ERGIC1: variants seen among roughly 807,000 people sequenced by gnomAD.
ERGIC1 encodes endoplasmic reticulum-golgi intermediate compartment 1, also known as endoplasmic reticulum-Golgi intermediate compartment protein 1.
A neutral mutation model predicts 38.3 loss-of-function variants in ERGIC1; 19 were observed. The ratio of observed to expected loss-of-function variants is 0.50; its 90% CI spans 0.35 to 0.73. ERGIC1 has a LOEUF of 0.73. Among genes scored for constraint, ERGIC1 ranks in the 30% least tolerant of loss-of-function variants. ERGIC1 has a pLI of 0.01. For missense variants in ERGIC1, 294 were observed against 389.2 expected, an observed-to-expected ratio of 0.76 and a Z score of 2.06; for synonymous variants, 124 against 157.6, an observed-to-expected ratio of 0.79 and a Z score of 1.60.
chr5:172,847,682 T>C lies in ERGIC1; in HGVS notation c.20+13249T>C, dbSNP rs1446157312. ...GGTGCGCGCCACCACACCCAGCTAA[T>C]TTTTGTATTTTTAGTAGAGACGGGG... On this transcript the variant is annotated intron_variant, in intron 1 of 9. Coordinates refer to ENST00000393784, the MANE Select transcript of ERGIC1 (RefSeq NM_001031711.3). Among the ~76,000 whole-genome samples, 4 of 152,104 alleles carry C rather than the reference T, an allele frequency of 2.6e-5. No homozygotes were observed. The East Asian group carries it at 7.7e-4, about 29-fold the overall frequency.
At chr5:172,908,312 G>GA (rs1763094438) in intron 3 of ERGIC1, among the ~76,000 whole-genome samples, 1 of 30,460 alleles carries the variant, frequency 3.3e-5, no homozygotes, top group African/African-American at 1.4e-4. Flanking sequence ...GGGGCGGGGG[G>GA]GGGGGGAGAG....
chr5:172,858,965 G>A (rs1009330371), intron 1 of ERGIC1, among the ~76,000 whole-genome samples: 1 of 152,180 alleles, frequency 6.6e-6, no homozygotes, highest in Non-Finnish European at 1.5e-5. Flanking sequence ...GCCTGTGGCT[G>A]GGGGAGCTGT....
chr5:172,924,110 G>A lies in ERGIC1; in HGVS notation c.480+1G>A. 1 of 1,613,948 alleles carries A rather than the reference G, an allele frequency of 6.2e-7. No individual in the cohort carries two copies. Among genetic ancestry groups the A allele is most frequent in the Non-Finnish European group, 8.5e-7 (1 of 1,179,928 alleles). The stretch of plus-strand genomic sequence containing the variant: ...GCTCTCCTTTGGGGACACGCTACAG[G>A]TGAGCAGGGGACACTCGAGATGGCA... On this transcript the variant is annotated splice_donor_variant, in intron 6 of 9. Transcript: ENST00000393784. LOFTEE classifies it high-confidence loss of function.
At chr5:172,878,786 G>C (rs373660969) in intron 1 of ERGIC1, among the ~76,000 whole-genome samples, 2 of 151,960 alleles carry the variant, frequency 1.3e-5, no homozygotes, top group Non-Finnish European at 2.9e-5. Flanking sequence ...ATTTGCCTTC[G>C]TGCCCCCCAA....
At chr5:172,942,541 TC>T (rs1189439456) in intron 9 of ERGIC1, among the ~76,000 whole-genome samples, 1 of 152,118 alleles carries the variant, frequency 6.6e-6, no homozygotes, top group Non-Finnish European at 1.5e-5. Context: ...TACACCTTGG[TC>T]CACCCCCAAC....
At chr5:172,892,974 T>A (rs1480166103) in intron 2 of ERGIC1, among the ~76,000 whole-genome samples, 1 of 152,130 alleles carries the variant, frequency 6.6e-6, no homozygotes, top group Non-Finnish European at 1.5e-5. Context: ...AGTCCGAGCC[T>A]TGAAAAAGCA....
chr5:172,839,795 AC>A (rs1416233894), intron 1 of ERGIC1, among the ~76,000 whole-genome samples: 1 of 152,070 alleles, frequency 6.6e-6, no homozygotes, highest in Non-Finnish European at 1.5e-5. Context: ...TGCTGTTGTT[AC>A]CCCACTTTAC....
At chr5:172,910,461 G>C (rs1008125845) in intron 4 of ERGIC1, among the ~76,000 whole-genome samples, 1 of 152,026 alleles carries the variant, frequency 6.6e-6, no homozygotes, top group Non-Finnish European at 1.5e-5. Flanking sequence ...GTGAAGGGCT[G>C]GGAGATTCCC....
intron 3 of ERGIC1, among the ~76,000 whole-genome samples, chr5:172,902,062 G>A (rs558962562): frequency 6.6e-6 from 1 of 152,344 alleles, no homozygotes; most frequent in African/African-American, 2.4e-5. Flanking sequence ...GGTCTGTGAT[G>A]CTGAAGCCCA....
intron 1 of ERGIC1, among the ~76,000 whole-genome samples, chr5:172,844,328 G>A (rs1015535665): frequency 6.6e-6 from 1 of 152,190 alleles, no homozygotes; most frequent in African/African-American, 2.4e-5. Flanking sequence ...CTGACATGCA[G>A]CTCTGTTGCT....
intron 7 of ERGIC1, among the ~76,000 whole-genome samples, chr5:172,927,304 C>CTTAT: frequency 1.3e-5 from 2 of 152,268 alleles, no homozygotes; most frequent in East Asian, 3.9e-4. Flanking sequence ...CACATCTTTT[C>CTTAT]TTATTATTTC....
chr5:172,943,176 G>A (rs1381408855), intron 9 of ERGIC1, among the ~76,000 whole-genome samples: 2 of 152,110 alleles, frequency 1.3e-5, no homozygotes, highest in Non-Finnish European at 2.9e-5. Flanking sequence ...AGAGGAGAAG[G>A]TGCCATCTCA....
intron 2 of ERGIC1, among the ~76,000 whole-genome samples, chr5:172,890,548 C>T (rs1405730561): frequency 6.6e-6 from 1 of 152,228 alleles, no homozygotes; most frequent in Non-Finnish European, 1.5e-5. Context: ...TCTGTACTAC[C>T]TTTGCATCTA....
intron 1 of ERGIC1, among the ~76,000 whole-genome samples, chr5:172,858,053 A>G (rs531861038): frequency 1.3e-5 from 2 of 152,326 alleles, no homozygotes; most frequent in Admixed American, 6.5e-5. Context: ...ACATGTGACT[A>G]TAAAGGAGAA....
chr5:172,860,731 C>G (rs1189720341), intron 1 of ERGIC1, among the ~76,000 whole-genome samples: 2 of 152,172 alleles, frequency 1.3e-5, no homozygotes, highest in Non-Finnish European at 2.9e-5. Flanking sequence ...GTGCTTGAGT[C>G]CTTTTGGAGC....
At chr5:172,894,485 C>T (rs890002369) in intron 2 of ERGIC1, among the ~76,000 whole-genome samples, 8 of 152,050 alleles carry the variant, frequency 5.3e-5, no homozygotes, top group Non-Finnish European at 1.2e-4. Context: ...TGAGCCACCG[C>T]GCCTGGCCAA....
At chr5:172,845,198 A>G (rs1279254509) in intron 1 of ERGIC1, among the ~76,000 whole-genome samples, 6 of 152,082 alleles carry the variant, frequency 3.9e-5, no homozygotes, top group African/African-American at 1.2e-4. Context: ...CCCTCCGTGG[A>G]TACCCTCCAT....
intron 1 of ERGIC1, among the ~76,000 whole-genome samples, chr5:172,887,980 C>T (rs1266953074): frequency 2.0e-5 from 3 of 152,178 alleles, no homozygotes; most frequent in African/African-American, 7.2e-5. Flanking sequence ...ATAACTCGAG[C>T]AGGGCTGTGC....
chr5:172,857,044 AAC>A (rs1367842998), intron 1 of ERGIC1, among the ~76,000 whole-genome samples: 1 of 152,194 alleles, frequency 6.6e-6, no homozygotes, highest in Non-Finnish European at 1.5e-5. Flanking sequence ...CTTTTTGAAA[AAC>A]AGTGTTGGGG....
Sources: gnomAD v4.1 joint callset for allele counts (sites outside exome capture counted in the v4.1 genomes callset) on GRCh38, gnomAD v4.1.1 for gene constraint, MANE v1.5 for transcripts, NCBI Gene and HGNC (gene_info 2026-07-23, HGNC 2026-07-21) for gene names.